Variants in TET3 observed in about 807,000 individuals in gnomAD.
The protein encoded by TET3 is tet methylcytosine dioxygenase 3.
In TET3, 19 loss-of-function variants were observed where a neutral mutation model predicts 141.4. The observed-to-expected ratio is 0.13, with a 90% confidence interval of 0.09 to 0.20. The LOEUF (loss-of-function observed/expected upper bound fraction) is 0.20, where lower values mean the gene tolerates loss of function less well. Among genes scored for constraint, TET3 ranks in the 10% least tolerant of loss-of-function variants. The pLI is 1.00. For synonymous variants in TET3, 1,043 were observed against 980.9 expected (o/e 1.06, Z -1.18); for missense variants, 1,874 against 2,356.9 (o/e 0.80, Z 4.24).
Position 74,048,083 on chromosome 2 carries a change from T to C in TET3, c.2166T>C (p.Phe722=). 6.2e-7 allele frequency: 1 copy of C among 1,613,484 alleles called. No individual in the cohort carries two copies. Among genetic ancestry groups the C allele is most frequent in the Non-Finnish European group, 8.5e-7 (1 of 1,179,702 alleles). ...TTGAGGCTGAATTTGGAGATAGCTT[T>C]GGGCTTCCCGGCCCCCCTTCTGTGC... ...RQFEAEFGDS[F]GLPGPPSVPI... is the part of the protein sequence containing the mutation. Residue 722 remains phenylalanine (F), a synonymous_variant, in exon 4 of 12, where the codon TTT becomes TTC. Coordinates refer to ENST00000409262, the MANE Select transcript of TET3 (RefSeq NM_001287491.2).
intron 3 of TET3, among the ~76,000 whole-genome samples, chr2:74,034,886 T>C (rs944725049): frequency 3.3e-5 from 5 of 151,796 alleles, no homozygotes; most frequent in African/African-American, 1.2e-4. Context: ...TTCCTGCCAG[T>C]GAGGTATAAG....
chr2:74,133,854 C>G, the TET3 span, among the ~76,000 whole-genome samples: 1 of 152,204 alleles, frequency 6.6e-6, no homozygotes, highest in South Asian at 2.1e-4. Flanking sequence ...AAGCGATTCT[C>G]CTGCCTCAGC....
the TET3 span, among the ~76,000 whole-genome samples, chr2:74,115,811 C>G: frequency 3.3e-5 from 5 of 152,080 alleles, no homozygotes; most frequent in East Asian, 9.7e-4. Context: ...CCCAGGAGTT[C>G]AAGACCAGCC....
chr2:74,035,943 G>A (rs1687030256), intron 3 of TET3, among the ~76,000 whole-genome samples: 1 of 151,552 alleles, frequency 6.6e-6, no homozygotes, highest in Admixed American at 6.6e-5. Flanking sequence ...ATTGAGCCCG[G>A]GAGGCAGAGG....
intron 5 of TET3, among the ~76,000 whole-genome samples, chr2:74,080,190 G>C (rs1363222334): frequency 6.6e-6 from 1 of 152,226 alleles, no homozygotes; most frequent in Non-Finnish European, 1.5e-5. Context: ...TTTGGTTTCA[G>C]TTCCCTTCTG....
At chr2:74,115,910 G>C in the TET3 span, among the ~76,000 whole-genome samples, 1 of 151,676 alleles carries the variant, frequency 6.6e-6, no homozygotes, top group South Asian at 2.1e-4. Flanking sequence ...AGCTACTTAG[G>C]AGGCAGAGGT....
At position 74,046,096 on chromosome 2, in the gene TET3, G is replaced by C. The variant is rs144450629; in HGVS notation, c.361-182G>C. On this transcript the variant is annotated intron_variant, in intron 3 of 11. Transcript: ENST00000409262. This position sits in a 1 kb window ranked among gnomAD's most constrained non-coding sequence, Gnocchi z 4.3. ...TAAAGATCTTCTTTTTGTTTCTGCT[G>C]GTGAAGCTCCCTAGGGAACCAGAGA... Among the ~76,000 whole-genome samples, 1 of 152,314 alleles carries C rather than the reference G, an allele frequency of 6.6e-6. No homozygotes were observed. Among genetic ancestry groups the C allele is most frequent in the African/African-American group, 2.4e-5 (1 of 41,562 alleles).
intron 5 of TET3, 126 bp downstream of exon 5, chr2:74,073,765 C>T (rs1689344533): frequency 1.3e-6 from 1 of 744,944 alleles, no homozygotes; most frequent in East Asian, 3.0e-5. Context: ...TGATAACGGG[C>T]TTAGGGAAGG....
the TET3 span, among the ~76,000 whole-genome samples, chr2:74,127,325 A>C: frequency 3.3e-5 from 5 of 152,322 alleles, no homozygotes; most frequent in Middle Eastern, 6.8e-3. Flanking sequence ...TAATTCTTTT[A>C]AGTTTGTAAT....
chr2:74,091,750 C>T (rs866537457), intron 8 of TET3, among the ~76,000 whole-genome samples: 2 of 152,242 alleles, frequency 1.3e-5, no homozygotes, highest in South Asian at 4.1e-4. Context: ...TCTTCATAAA[C>T]CCTTTGTGCC....
At chr2:74,022,094 CTTTTTTTTTTTT>C (rs34529157) in intron 3 of TET3, among the ~76,000 whole-genome samples, 7 of 82,756 alleles carry the variant, frequency 8.5e-5, no homozygotes, top group Non-Finnish European at 1.6e-4. Context: ...TTCTAGGACA[CTTTTTTTTTTTT>C]TTTTTTTTTT....
chr2:74,095,414 T>C (rs925073448), intron 10 of TET3, among the ~76,000 whole-genome samples: 6 of 152,188 alleles, frequency 3.9e-5, no homozygotes, highest in African/African-American at 1.4e-4. Flanking sequence ...TCGCAGAGCT[T>C]CTAGAGTTTG....
chr2:73,986,549 A>G lies in TET3; in HGVS notation c.146A>G (p.Asp49Gly). 8.1e-7 allele frequency: 1 copy of G among 1,232,054 alleles called. No homozygotes were observed. Among genetic ancestry groups the G allele is most frequent in the Non-Finnish European group, 1.0e-6 (1 of 988,012 alleles). 76.3% of individuals were successfully genotyped at this position (1,232,054 alleles called of 1,614,324 possible). ...GAGTCCCAACTCCGAGGGGGTGGAGATGGTCGAAAGAAACGGAAACGGTGT... is the reference window on the plus strand; with the variant it reads ...GAGTCCCAACTCCGAGGGGGTGGAGGTGGTCGAAAGAAACGGAAACGGTGT... ...GSESQLRGGG[D>G]GRKKRKRCGT... Residue 49 changes from aspartate (D) to glycine (G), a missense_variant, in exon 2 of 12, where the codon GAT (aspartate) becomes GGT (glycine). By Grantham distance (94) the Asp-to-Gly change is moderately conservative (BLOSUM62 -1). Coordinates refer to ENST00000409262, the MANE Select transcript of TET3 (RefSeq NM_001287491.2).
the TET3 span, among the ~76,000 whole-genome samples, chr2:74,133,338 A>G: frequency 6.6e-6 from 1 of 152,260 alleles, no homozygotes; most frequent in African/African-American, 2.4e-5. Flanking sequence ...GGCTTAAAAC[A>G]ACAAACACAT....
intron 2 of TET3, among the ~76,000 whole-genome samples, chr2:73,996,807 C>G (rs574203707): frequency 1.3e-4 from 20 of 152,330 alleles, no homozygotes; most frequent in African/African-American, 4.6e-4. Context: ...CCATGACCGG[C>G]TTGATAACCT....
intron 3 of TET3, among the ~76,000 whole-genome samples, chr2:74,033,236 G>A (rs1024620898): frequency 5.9e-5 from 9 of 152,194 alleles, no homozygotes; most frequent in Admixed American, 5.2e-4. Flanking sequence ...AAACGAGAAA[G>A]TTACTCATCC....
chr2:73,987,789 C>T (rs1206382569), intron 2 of TET3, among the ~76,000 whole-genome samples: 1 of 152,196 alleles, frequency 6.6e-6, no homozygotes, highest in Non-Finnish European at 1.5e-5. Context: ...AAAGCCTCTT[C>T]CAGCTGGGCT....
At chr2:74,031,338 G>A (rs1345530304) in intron 3 of TET3, among the ~76,000 whole-genome samples, 2 of 152,086 alleles carry the variant, frequency 1.3e-5, no homozygotes, top group East Asian at 3.9e-4. Context: ...AGAGAGACGA[G>A]GGACCCCCGT....
intron 2 of TET3, among the ~76,000 whole-genome samples, chr2:73,995,774 C>G (rs1181226783): frequency 6.6e-6 from 1 of 152,186 alleles, no homozygotes; most frequent in Non-Finnish European, 1.5e-5. Flanking sequence ...TCACCAAGGG[C>G]TCTTTTTAGG....
Sources: gnomAD v4.1 joint callset for allele counts (sites outside exome capture counted in the v4.1 genomes callset) on GRCh38, gnomAD v4.1.1 for gene constraint, Gnocchi (gnomAD v3.1) non-coding constraint, MANE v1.5 for transcripts, NCBI Gene and HGNC (gene_info 2026-07-23, HGNC 2026-07-21) for gene names.